RNF123: variants seen among roughly 807,000 people sequenced by gnomAD.
RNF123 encodes E3 ubiquitin-protein ligase RNF123.
A neutral mutation model predicts 168.5 loss-of-function variants in RNF123; 86 were observed. That is an observed-to-expected ratio of 0.51 (90% CI 0.43 to 0.61). The LOEUF (loss-of-function observed/expected upper bound fraction) is 0.61, where lower values mean the gene tolerates loss of function less well. Among genes scored for constraint, RNF123 ranks in the 20% least tolerant of loss-of-function variants. The pLI is 0.00. For synonymous variants in RNF123, 666 were observed against 689.1 expected, an observed-to-expected ratio of 0.97 and a Z score of 0.52; for missense variants, 1,419 against 1,729.7, an observed-to-expected ratio of 0.82 and a Z score of 3.19.
intron 12 of RNF123, 102 bp from the exon 13 acceptor site, chr3:49,700,125 A>G: frequency 6.5e-7 from 1 of 1,536,782 alleles, no homozygotes. Flanking sequence ...GAGTGGCTCA[A>G]GGCTCTGTGC....
chr3:49,692,633 C>T (rs376458254), intron 3 of RNF123, among the ~76,000 whole-genome samples: 1 of 152,228 alleles, frequency 6.6e-6, no homozygotes, highest in Non-Finnish European at 1.5e-5. Context: ...CTATACTACC[C>T]TTCCAAGCCT....
In RNF123 at chr3:49,721,517, A is replaced by G. The variant is rs771004770; in HGVS notation, c.*212A>G. 3.4e-5 allele frequency: 28 copies of G among 827,220 alleles called. No individual in the cohort carries two copies. The highest frequency in any genetic ancestry group is 3.3e-4 in the South Asian group (24 of 72,074). 51.2% of individuals were successfully genotyped at this position (827,220 alleles called of 1,614,324 possible). ...TCAGGGCCACAGTGAGCATTAAATTATTATTCCATACAGCCCTGGCCCTGG... is the reference window on the plus strand; with the variant it reads ...TCAGGGCCACAGTGAGCATTAAATTGTTATTCCATACAGCCCTGGCCCTGG... On this transcript the variant is annotated 3_prime_UTR_variant, in exon 39 of 39. Transcript: ENST00000327697.
chr3:49,717,838 T>C, intron 35 of RNF123: 12 of 1,192,816 alleles, frequency 1.0e-5, no homozygotes, highest in Non-Finnish European at 1.4e-5. Context: ...TACAGGAAGC[T>C]GGGGGGCCAG....
Position 49,705,195 on chromosome 3 carries a change from TG to T in RNF123, c.2158+17del. ...ACCCGTGAGGACAGTAGGTGCTTGG[TG>T]GGGTCAGGCAGGTCCCCGAAGGACC... On this transcript the variant is annotated intron_variant, in intron 23 of 38. Coordinates refer to ENST00000327697, the MANE Select transcript of RNF123 (RefSeq NM_022064.5). The T allele has an allele frequency of 1.9e-6, 3 of 1,590,816 alleles. No homozygotes were observed. The highest frequency in any genetic ancestry group is 2.6e-6 in the Non-Finnish European group (3 of 1,168,228).
At chr3:49,692,485 A>G (rs1192509681) in intron 3 of RNF123, among the ~76,000 whole-genome samples, 1 of 152,182 alleles carries the variant, frequency 6.6e-6, no homozygotes, top group African/African-American at 2.4e-5. Context: ...TTGTCTTATA[A>G]ACAATCTAGT....
In RNF123 at chr3:49,703,438, C is replaced by T. The variant is rs773147422; in HGVS notation, c.1762C>T (p.Pro588Ser). 1.2e-5 allele frequency: 19 copies of T among 1,613,858 alleles called. No homozygotes were observed. The highest frequency in any genetic ancestry group is 1.5e-5 in the Non-Finnish European group (18 of 1,179,932). ...TCAATTCCTCGCAGAGGCCTACATC[C>T]CGCCCCAGGTCTTCTATAATGGCAA... Reference protein sequence around the residue: ...HASFSEEAYIPPQVFYNGKVD... With the variant: ...HASFSEEAYISPQVFYNGKVD... The change falls in exon 21 of 39, where the codon CCG becomes TCG. Residue 588 changes from proline (P) to serine (S), a missense_variant. Pro to Ser is a moderately conservative substitution (Grantham distance 74). Coordinates refer to ENST00000327697, the MANE Select transcript of RNF123 (RefSeq NM_022064.5).
Position 49,702,316 on chromosome 3 carries a change from C to G in RNF123, c.1558-18C>G. 1 of 1,613,920 alleles carries G rather than the reference C, an allele frequency of 6.2e-7. No homozygotes were observed. Among genetic ancestry groups the G allele is most frequent in the South Asian group, 1.1e-5 (1 of 91,084 alleles). ...GCATTCTCAGCTCAGCACAGCCTCA[C>G]TTTTCCCTCTCTCAAAGGGTGAAGC... On this transcript the variant is annotated intron_variant, in intron 18 of 38. Coordinates refer to ENST00000327697, the MANE Select transcript of RNF123 (RefSeq NM_022064.5).
Position 49,704,710 on chromosome 3 carries a change from T to C in RNF123, c.1913T>C (p.Met638Thr). The C allele has an allele frequency of 6.2e-7, 1 of 1,602,812 alleles. No homozygotes were observed. Among genetic ancestry groups the C allele is most frequent in the Non-Finnish European group, 8.5e-7 (1 of 1,174,696 alleles). ...CCACTGGAGCTCCAGTCAACCGCCATGGATGACCTAGATGAGGATGAGGAG... is the reference window on the plus strand; with the variant it reads ...CCACTGGAGCTCCAGTCAACCGCCACGGATGACCTAGATGAGGATGAGGAG... ...IDPLELQSTA[M>T]DDLDEDEEPA... Residue 638 changes from methionine (M) to threonine (T), a missense_variant, in exon 22 of 39, where the codon ATG becomes ACG. Physicochemically the swap from Met to Thr is moderately conservative, Grantham distance 81. This residue lies in a region of RNF123 where 538 missense variants were observed against 708.8 expected (regional missense o/e 0.76). Coordinates refer to ENST00000327697, the MANE Select transcript of RNF123 (RefSeq NM_022064.5).
intron 34 of RNF123, 107 bp from the exon 35 acceptor site, chr3:49,716,286 C>A: frequency 6.5e-7 from 1 of 1,540,512 alleles, no homozygotes; most frequent in South Asian, 1.1e-5. Flanking sequence ...AGACTTGGTG[C>A]TCTGCAGTCT....
chr3:49,700,060 C>G (rs1357218930), intron 12 of RNF123, 167 bp from the exon 13 acceptor site: 1 of 935,176 alleles, frequency 1.1e-6, no homozygotes, highest in African/African-American at 1.7e-5. Flanking sequence ...GGGGCAATGG[C>G]CTTCTTGTCC....
Position 49,701,822 on chromosome 3 carries a change from C to T in RNF123, c.1407C>T (p.Ser469=), listed in dbSNP as rs776447448. 5 of 1,572,346 alleles carry T rather than the reference C, an allele frequency of 3.2e-6. No individual in the cohort carries two copies. The highest frequency in any genetic ancestry group is 4.3e-6 in the Non-Finnish European group (5 of 1,159,012). Residue 469 remains serine, a synonymous_variant, in exon 17 of 39, where the codon AGC becomes AGT. Transcript: ENST00000327697. The part of the protein sequence containing the change: ...PHCSSREGKE[S]TEMKEETAEE... Reference sequence around the variant, plus strand: ...CTACCCCTGCCTAGGGCAAAGAGAGCACGGAGATGAAGGAGGAGACCGCAG... The same window carrying T: ...CTACCCCTGCCTAGGGCAAAGAGAGTACGGAGATGAAGGAGGAGACCGCAG...
In RNF123 at chr3:49,699,911, C is replaced by T. The variant is rs986235440; in HGVS notation, c.984+139C>T. On this transcript the variant is annotated intron_variant, in intron 12 of 38. Coordinates refer to ENST00000327697, the MANE Select transcript of RNF123 (RefSeq NM_022064.5). This position sits in a 1 kb window ranked among gnomAD's most constrained non-coding sequence, Gnocchi z 4.8. ...GGCGAGGGCCCCATGTGACCAGGGC[C>T]CTCAGACCTCAGTCAGTCCCCTAGG... The T allele has an allele frequency of 2.5e-6, 2 of 811,986 alleles. No individual in the cohort carries two copies. Among genetic ancestry groups the T allele is most frequent in the South Asian group, 1.6e-5 (1 of 62,386 alleles). 50.3% of individuals were successfully genotyped at this position (811,986 alleles called of 1,614,324 possible).
rs1364543673 is a variant in RNF123 at position 49,705,837 on chromosome 3, G to T, written c.2305-145G>T. 3 of 1,432,458 alleles carry T rather than the reference G, an allele frequency of 2.1e-6. No individual in the cohort carries two copies. In the East Asian group the frequency reaches 7.0e-5, roughly 33 times the overall value. 88.7% of individuals were successfully genotyped at this position (1,432,458 alleles called of 1,614,324 possible). On this transcript the variant is annotated intron_variant, in intron 24 of 38. Transcript: ENST00000327697. ...GCTGGTTTCTGCTCCTGCTGCCTCA[G>T]TCTGACCTGCTGACTGTTGTGGGAA... is the stretch of plus-strand genomic sequence containing the variant.
chr3:49,712,117 C>T (rs1418398223), intron 26 of RNF123, among the ~76,000 whole-genome samples: 3 of 151,616 alleles, frequency 2.0e-5, no homozygotes, highest in Admixed American at 6.6e-5. Flanking sequence ...CCCAGCTACT[C>T]GGGAGGCTGA....
Position 49,705,690 on chromosome 3 carries a change from C to G in RNF123, c.2304+11C>G, listed in dbSNP as rs751540001. The stretch of plus-strand genomic sequence containing the variant: ...CAGCAGCTGGGCAAGGTCGTGCACT[C>G]TTGGACCCCGCATTGGGTGGCGGGT... On this transcript the variant is annotated intron_variant, in intron 24 of 38. Coordinates refer to ENST00000327697, the MANE Select transcript of RNF123 (RefSeq NM_022064.5). The G allele has an allele frequency of 6.2e-7, 1 of 1,613,980 alleles. No homozygotes were observed. The highest frequency in any genetic ancestry group is 8.5e-7 in the Non-Finnish European group (1 of 1,180,004).
chr3:49,691,139 C>T lies in RNF123; in HGVS notation c.-27C>T, dbSNP rs750922133. 2 of 1,609,906 alleles carry T rather than the reference C, an allele frequency of 1.2e-6. No individual in the cohort carries two copies. The highest frequency in any genetic ancestry group is 2.2e-5 in the South Asian group (2 of 90,896). On this transcript the variant is annotated 5_prime_UTR_variant, in exon 2 of 39. Transcript: ENST00000327697. ...TCTGTGTCTGGCTCAGCCCCCAGGA[C>T]CACTGGCTGCCCATGAGAGATGAAG...
intron 3 of RNF123, among the ~76,000 whole-genome samples, chr3:49,694,672 G>A (rs1323268176): frequency 6.6e-6 from 1 of 152,124 alleles, no homozygotes; most frequent in Non-Finnish European, 1.5e-5. Flanking sequence ...TGTCTTTTAC[G>A]ACTTCTGCCC....
Position 49,703,410 on chromosome 3 carries a change from T to G in RNF123, c.1751-17T>G, listed in dbSNP as rs1258766120. On this transcript the variant is annotated splice_polypyrimidine_tract_variant and intron_variant, in intron 20 of 38. Transcript: ENST00000327697. ...CTGGGCCGTGACCACTGGCCTAGCCTCCTCAATTCCTCGCAGAGGCCTACA... is the reference window on the plus strand; with the variant it reads ...CTGGGCCGTGACCACTGGCCTAGCCGCCTCAATTCCTCGCAGAGGCCTACA... 1 of 1,609,230 alleles carries G rather than the reference T, an allele frequency of 6.2e-7. No homozygotes were observed. The highest frequency in any genetic ancestry group is 8.5e-7 in the Non-Finnish European group (1 of 1,175,964).
intron 18 of RNF123, 74 bp downstream of exon 18, chr3:49,702,218 G>A (rs1350969229): frequency 1.3e-6 from 2 of 1,586,910 alleles, no homozygotes; most frequent in South Asian, 1.1e-5. Context: ...GACCCAGAGG[G>A]TGGGAACTGG....
Sources: allele counts gnomAD v4.1 joint callset (sites outside exome capture counted in the v4.1 genomes callset), GRCh38; gene constraint gnomAD v4.1.1; regional missense constraint gnomAD v4.1.1; non-coding constraint Gnocchi (gnomAD v3.1); transcripts MANE v1.5; gene names NCBI Gene and HGNC (gene_info 2026-07-23, HGNC 2026-07-21).